Variants in SLC23A1 observed in about 807,000 individuals in gnomAD.
The protein encoded by SLC23A1 is solute carrier family 23 member 1.
In SLC23A1, 31 loss-of-function variants were observed where a neutral mutation model predicts 62.5. That is an observed-to-expected ratio of 0.50 (90% CI 0.37 to 0.67). The LOEUF is 0.67. Among genes scored for constraint, SLC23A1 ranks in the 30% least tolerant of loss-of-function variants. SLC23A1 has a pLI of 0.00. For missense variants in SLC23A1, 640 were observed against 782.7 expected (o/e 0.82, Z 2.18); for synonymous variants, 271 against 313.2 (o/e 0.87, Z 1.42).
Position 139,380,642 on chromosome 5 carries a change from G to A in SLC23A1, c.398-10C>T. On this transcript the variant is annotated splice_polypyrimidine_tract_variant and intron_variant, in intron 4 of 14. Coordinates refer to ENST00000348729, the MANE Select transcript of SLC23A1 (RefSeq NM_005847.5). ...TTACCGTAGATCTCCTCTGGGGGTA[G>A]AGTCAGGGATACACACACGGACCAG... is the stretch of plus-strand genomic sequence containing the variant. The A allele has an allele frequency of 6.2e-7, 1 of 1,606,138 alleles. No homozygotes were observed. Among genetic ancestry groups the A allele is most frequent in the Non-Finnish European group, 8.5e-7 (1 of 1,172,728 alleles).
Position 139,379,161 on chromosome 5 carries a change from G to A in SLC23A1, c.1073+46C>T. The A allele has an allele frequency of 6.3e-7, 1 of 1,599,862 alleles. No individual in the cohort carries two copies. Among genetic ancestry groups the A allele is most frequent in the Non-Finnish European group, 8.6e-7 (1 of 1,168,584 alleles). ...ACCCCGTTCCTGTGTGTGCTTCCTG[G>A]GTGGCGCCTGAGGAGATCAGATACT... On this transcript the variant is annotated intron_variant, in intron 9 of 14. Transcript: ENST00000348729. The surrounding 1 kb of genome is among the most constrained non-coding windows in gnomAD (Gnocchi z 4.7).
In SLC23A1 at chr5:139,378,017, G is replaced by T. The variant is rs1026260200; in HGVS notation, c.1411C>A (p.Leu471Met). The stretch of plus-strand genomic sequence containing the variant: ...GGGTTGGACTCCAGGTAATTGGGCA[G>T]CGTGAGCCCGAAGAACATGGAAAAT... ...LGFSMFFGLT[L>M]PNYLESNPGA... The change falls in exon 12 of 15, where the codon CTG (leucine) becomes ATG (methionine). Residue 471 changes from leucine to methionine, a missense_variant. By Grantham distance (15) the Leu-to-Met change is conservative. Coordinates refer to ENST00000348729, the MANE Select transcript of SLC23A1 (RefSeq NM_005847.5). The surrounding 1 kb of genome is among the most constrained non-coding windows in gnomAD (Gnocchi z 4.5). 1.7e-5 allele frequency: 28 copies of T among 1,613,916 alleles called. No individual in the cohort carries two copies. The highest frequency in any genetic ancestry group is 2.1e-5 in the Non-Finnish European group (25 of 1,179,984).
chr5:139,374,432 G>A (rs528644706), intron 13 of SLC23A1, among the ~76,000 whole-genome samples: 16 of 152,238 alleles, frequency 1.1e-4, no homozygotes, highest in East Asian at 5.8e-4. Context: ...GCGAGACTCC[G>A]TCTCAAAAAC....
chr5:139,368,144 G>A (rs1202787360), intron 14 of SLC23A1, among the ~76,000 whole-genome samples: 6 of 152,146 alleles, frequency 3.9e-5, no homozygotes, highest in East Asian at 1.9e-4. Context: ...GACCATCCTG[G>A]CTAACATGGT....
intron 14 of SLC23A1, among the ~76,000 whole-genome samples, chr5:139,370,773 T>C (rs925727903): frequency 6.6e-6 from 1 of 151,672 alleles, no homozygotes; most frequent in Non-Finnish European, 1.5e-5. Context: ...TGGCTTTTGT[T>C]GGGAAAAAAA....
Position 139,377,511 on chromosome 5 carries a change from CA to C in SLC23A1, c.1454-15del. 6.8e-7 allele frequency: 1 copy of C among 1,477,392 alleles called. No homozygotes were observed. The highest frequency in any genetic ancestry group is 9.5e-7 in the Non-Finnish European group (1 of 1,055,258). 91.5% of individuals were successfully genotyped at this position (1,477,392 alleles called of 1,614,324 possible). On this transcript the variant is annotated splice_polypyrimidine_tract_variant and intron_variant, in intron 12 of 14. Transcript: ENST00000348729. ...CTTCAAGAATGCCTGTGGAATAGGC[CA>C]AGGGCCAATGGGTGTCATGGCCCAA...
chr5:139,368,301 C>T (rs892570812), intron 14 of SLC23A1, among the ~76,000 whole-genome samples: 1 of 151,922 alleles, frequency 6.6e-6, no homozygotes, highest in Non-Finnish European at 1.5e-5. Flanking sequence ...GATCGCGCCA[C>T]TGCACTGCAG....
Position 139,378,666 on chromosome 5 carries a change from G to A in SLC23A1, c.1092C>T (p.Gly364=). 1 of 1,610,178 alleles carries A rather than the reference G, an allele frequency of 6.2e-7. No individual in the cohort carries two copies. Among genetic ancestry groups the A allele is most frequent in the Non-Finnish European group, 8.5e-7 (1 of 1,178,232 alleles). The change falls in exon 10 of 15, where the codon GGC becomes GGT. Residue 364 remains glycine (G), a synonymous_variant. Coordinates refer to ENST00000348729, the MANE Select transcript of SLC23A1 (RefSeq NM_005847.5). This position sits in a 1 kb window ranked among gnomAD's most constrained non-coding sequence, Gnocchi z 4.5. ...ATAGCCCCGCGATGATGCAGCAAAT[G>A]CCTTCGGTGAAGATGCCCCTGTAAG... ...HAINRGIFTE[G]ICCIIAGLLG...
rs1758122994 is a variant in SLC23A1 at position 139,379,438 on chromosome 5, A to G, written c.926-84T>C. The stretch of plus-strand genomic sequence containing the variant: ...TAGACAGGGCAGTGCTGGAAGGAGC[A>G]AGAGCAGATCAGGAGACCTCAGGCT... On this transcript the variant is annotated intron_variant, in intron 8 of 14. Coordinates refer to ENST00000348729, the MANE Select transcript of SLC23A1 (RefSeq NM_005847.5). This position sits in a 1 kb window ranked among gnomAD's most constrained non-coding sequence, Gnocchi z 4.7. The G allele has an allele frequency of 7.1e-7, 1 of 1,402,466 alleles. No individual in the cohort carries two copies. Among genetic ancestry groups the G allele is most frequent in the Non-Finnish European group, 1.0e-6 (1 of 995,368 alleles). 86.9% of individuals were successfully genotyped at this position (1,402,466 alleles called of 1,614,324 possible).
intron 13 of SLC23A1, among the ~76,000 whole-genome samples, chr5:139,374,826 C>T (rs1050071195): frequency 6.6e-6 from 1 of 152,280 alleles, no homozygotes. Flanking sequence ...CAGATGCCTA[C>T]CCAGATGCTC....
rs557150090 is a variant in SLC23A1 at position 139,371,986 on chromosome 5, C to A, written c.*19+1G>T. On this transcript the variant is annotated splice_donor_variant, in intron 14 of 14. Transcript: ENST00000348729. LOFTEE classifies it low-confidence loss of function (3UTR_SPLICE). The stretch of plus-strand genomic sequence containing the variant: ...CCACAAAAACCATAGACACATCCTA[C>A]CTTTCCTGGAAGTCATTTTTCAGAC... The A allele has an allele frequency of 6.2e-7, 1 of 1,610,118 alleles. No homozygotes were observed. The highest frequency in any genetic ancestry group is 8.5e-7 in the Non-Finnish European group (1 of 1,177,164).
At position 139,380,506 on chromosome 5, in the gene SLC23A1, C is replaced by A. The variant is rs747385175; in HGVS notation, c.465+59G>T. On this transcript the variant is annotated intron_variant, in intron 5 of 14. Transcript: ENST00000348729. ...AATCCCCAAACTCAGCGGCCACCCT[C>A]ACTCCCATATAGCCCCTCCTCAGGA... The A allele has an allele frequency of 7.5e-6, 12 of 1,594,212 alleles. No homozygotes were observed. In the East Asian group the frequency reaches 2.7e-4, roughly 36 times the overall value.
Position 139,378,564 on chromosome 5 carries a change from G to A in SLC23A1, c.1179+15C>T. On this transcript the variant is annotated intron_variant, in intron 10 of 14. Coordinates refer to ENST00000348729, the MANE Select transcript of SLC23A1 (RefSeq NM_005847.5). This position sits in a 1 kb window ranked among gnomAD's most constrained non-coding sequence, Gnocchi z 4.5. Reference sequence around the variant, plus strand: ...CGGAATTAGGGCAGGATTTGGCTCTGGCTCGTCGCGACACCTTGGTAATTC... The same window carrying A: ...CGGAATTAGGGCAGGATTTGGCTCTAGCTCGTCGCGACACCTTGGTAATTC... The A allele has an allele frequency of 6.4e-7, 1 of 1,564,294 alleles. No homozygotes were observed. Among genetic ancestry groups the A allele is most frequent in the Non-Finnish European group, 8.7e-7 (1 of 1,151,838 alleles).
chr5:139,373,006 G>A lies in SLC23A1; in HGVS notation c.1550-753C>T, dbSNP rs138312687. Among the ~76,000 whole-genome samples the A allele has an allele frequency of 2.4e-3, 370 of 152,250 alleles. 2 individuals are homozygous for A. Among genetic ancestry groups the A allele is most frequent in the Middle Eastern group, 0.01 (3 of 294 alleles). On this transcript the variant is annotated intron_variant, in intron 13 of 14. Transcript: ENST00000348729. ...AAATCAAGTCCAGATTGCGTTCTGG[G>A]GGTAAGGGAGGCATATTTTGAAACA...
intron 2 of SLC23A1, 74 bp from the exon 3 acceptor site, chr5:139,382,123 C>T: frequency 6.9e-7 from 1 of 1,450,920 alleles, no homozygotes; most frequent in Non-Finnish European, 9.4e-7. Flanking sequence ...ACCTAGTGTC[C>T]TCATGCCTGC....
upstream of SLC23A1, chr5:139,384,689 C>T (rs1318407164): frequency 8.3e-6 from 10 of 1,198,848 alleles, no homozygotes; most frequent in Non-Finnish European, 3.2e-6. Context: ...CCACACAACA[C>T]GCATAGAGAA....
chr5:139,380,074 G>A lies in SLC23A1; in HGVS notation c.650C>T (p.Ser217Phe). 1 of 1,609,084 alleles carries A rather than the reference G, an allele frequency of 6.2e-7. No individual in the cohort carries two copies. Among genetic ancestry groups the A allele is most frequent in the Non-Finnish European group, 8.5e-7 (1 of 1,177,510 alleles). The change falls in exon 7 of 15, where the codon TCC becomes TTC. Residue 217 changes from serine (S) to phenylalanine (F), a missense_variant and splice_region_variant. Coordinates refer to ENST00000348729, the MANE Select transcript of SLC23A1 (RefSeq NM_005847.5). The stretch of plus-strand genomic sequence containing the variant: ...GGAGAAGAGGATGATCAGGAGAATG[G>A]AGCTGGGGGCAGAGGCACAATCAGG... ...AGSHWGISAC[S>F]ILLIILFSQY...
At chr5:139,382,109 G>A (rs1001092691) in intron 2 of SLC23A1, 60 bp from the exon 3 acceptor site, 1 of 1,521,542 alleles carries the variant, frequency 6.6e-7, no homozygotes, top group Non-Finnish European at 8.9e-7. Context: ...AGGGAGAGGG[G>A]ACAACCTAGT....
At chr5:139,377,558 G>T in intron 12 of SLC23A1, 61 bp from the exon 13 acceptor site, 1 of 885,044 alleles carries the variant, frequency 1.1e-6, no homozygotes, top group South Asian at 1.3e-5. Context: ...AGAGTTGAGG[G>T]ACTTCCTCTT....
Sources: allele counts gnomAD v4.1 joint callset (sites outside exome capture counted in the v4.1 genomes callset), GRCh38; gene constraint gnomAD v4.1.1; non-coding constraint Gnocchi (gnomAD v3.1); transcripts MANE v1.5; gene names NCBI Gene and HGNC (gene_info 2026-07-23, HGNC 2026-07-21).